The following AKIP1 variants were observed in gnomAD, a reference collection of about 807,000 sequenced individuals.
The protein encoded by AKIP1 is A-kinase interacting protein 1.
Under a neutral mutation model 22.3 loss-of-function variants are expected in AKIP1, and 18 were observed. The ratio of observed to expected loss-of-function variants is 0.81; its 90% CI spans 0.56 to 1.19. The LOEUF is 1.19. Ranked by LOEUF, AKIP1 falls within the 50% of genes most tolerant of loss-of-function variation. AKIP1 has a pLI of 0.00. For synonymous variants in AKIP1, 120 were observed against 102.7 expected (o/e 1.17, Z -1.02); for missense variants, 287 against 264.6 (o/e 1.08, Z -0.59).
At chr11:8,918,708 G>T (rs2064526266) in intron 5 of AKIP1, among the ~76,000 whole-genome samples, 2 of 152,186 alleles carry the variant, frequency 1.3e-5, no homozygotes, top group Admixed American at 1.3e-4. Flanking sequence ...AAGACTGATT[G>T]TGCTCAGTTC....
chr11:8,911,807 G>A (rs2064361083), intron 2 of AKIP1, 136 bp downstream of exon 2: 1 of 876,610 alleles, frequency 1.1e-6, no homozygotes, highest in Admixed American at 3.2e-5. Flanking sequence ...AACAATGAAT[G>A]GAAAAGTCCT....
chr11:8,917,356 G>A lies in AKIP1; in HGVS notation c.478G>A (p.Ala160Thr). 2 of 1,613,536 alleles carry A rather than the reference G, an allele frequency of 1.2e-6. No individual in the cohort carries two copies. Among genetic ancestry groups the A allele is most frequent in the African/African-American group, 1.3e-5 (1 of 75,050 alleles). Residue 160 changes from alanine (A) to threonine (T), a missense_variant, in exon 5 of 6, where the codon GCA becomes ACA. Ala to Thr is a moderately conservative substitution (Grantham distance 58). Transcript: ENST00000309377. ...SYQISEHAPE[A>T]SQPAENISKD... ...TCAAATATCAGAGCATGCTCCAGAG[G>A]CATCCCAGCCTGTGAGTACGGAACT...
rs138098855 is a variant in AKIP1 at position 8,918,291 on chromosome 11, C to T, written c.489+924C>T. On this transcript the variant is annotated intron_variant, in intron 5 of 5. Transcript: ENST00000309377. ...TTAATGACATTGTCATACACATTTA[C>T]GTCAGTTAAAGGATGGTAGACTTCC... Among the ~76,000 whole-genome samples, 448 of 152,256 alleles carry T rather than the reference C, an allele frequency of 2.9e-3. 1 individual carries two copies. The highest frequency in any genetic ancestry group is 0.01 in the African/African-American group (419 of 41,544).
At chr11:8,915,521 C>G (rs12286071) in intron 4 of AKIP1, among the ~76,000 whole-genome samples, 1 of 151,516 alleles carries the variant, frequency 6.6e-6, no homozygotes, top group African/African-American at 2.4e-5. Context: ...GCCACCACAC[C>G]CAGCTAATTT....
At position 8,919,320 on chromosome 11, in the gene AKIP1, T is replaced by C; in HGVS notation, c.490-17T>C. On this transcript the variant is annotated splice_polypyrimidine_tract_variant and intron_variant, in intron 5 of 5. Transcript: ENST00000309377. Reference sequence around the variant, plus strand: ...GTATAAAATCTCTAAACTGCTAATATCCTCTTTTCCTTCTAGGCTGAGAAC... The same window carrying C: ...GTATAAAATCTCTAAACTGCTAATACCCTCTTTTCCTTCTAGGCTGAGAAC... 1 of 1,608,224 alleles carries C rather than the reference T, an allele frequency of 6.2e-7. No homozygotes were observed. Among genetic ancestry groups the C allele is most frequent in the Non-Finnish European group, 8.5e-7 (1 of 1,178,002 alleles).
chr11:8,917,214 T>C, intron 4 of AKIP1, 73 bp from the exon 5 acceptor site: 3 of 983,974 alleles, frequency 3.0e-6, no homozygotes, highest in Non-Finnish European at 3.0e-6. Flanking sequence ...CCTAATAAGG[T>C]AGAAGAGAAC....
rs2064452886 is a variant in AKIP1 at position 8,914,832 on chromosome 11, T to G, written c.310T>G (p.Tyr104Asp). The change falls in exon 4 of 6, where the codon TAT becomes GAT. Residue 104 changes from tyrosine (Y) to aspartate (D), a missense_variant. Tyr to Asp is a radical substitution (Grantham distance 160, BLOSUM62 -3). Coordinates refer to ENST00000309377, the MANE Select transcript of AKIP1 (RefSeq NM_020642.4). ...DYTSSQCGKY[Y>D]SSVPEEGGAT... ...TTTGACATTACGTCTCTAGAAATAT[T>G]ATTCATCTGTGCCAGAGGAAGGAGG... The G allele has an allele frequency of 6.2e-7, 1 of 1,608,732 alleles. No individual in the cohort carries two copies.
intron 2 of AKIP1, 130 bp downstream of exon 2, chr11:8,911,801 A>C: frequency 1.1e-6 from 1 of 927,200 alleles, no homozygotes. Flanking sequence ...GATCAGAACA[A>C]TGAATGGAAA....
At chr11:8,911,724 G>C (rs1034774564) in intron 2 of AKIP1, 53 bp downstream of exon 2, 1 of 1,447,150 alleles carries the variant, frequency 6.9e-7, no homozygotes, top group South Asian at 1.5e-5. Flanking sequence ...GCGGTAGCCC[G>C]CTGGGAGCCA....
At chr11:8,912,638 C>T (rs2064401655) in intron 3 of AKIP1, 105 bp downstream of exon 3, 2 of 1,002,886 alleles carry the variant, frequency 2.0e-6, no homozygotes, top group Admixed American at 1.9e-5. Context: ...TTTCTCCTGC[C>T]CAGCCTTCAC....
At chr11:8,911,358 G>C (rs1287520062) in intron 1 of AKIP1, 86 bp from the exon 2 acceptor site, 1 of 1,267,044 alleles carries the variant, frequency 7.9e-7, no homozygotes, top group Non-Finnish European at 1.1e-6. Context: ...CAGGGAGGTC[G>C]AGGCTGGGGC....
Position 8,914,893 on chromosome 11 carries a change from C to G in AKIP1, c.371C>G (p.Ser124Trp). Reference sequence around the variant, plus strand: ...GTCTATCGTTATCACAGAGGCGAGTCGAAGCTGCACATGTGCTTGGACATA... The same window carrying G: ...GTCTATCGTTATCACAGAGGCGAGTGGAAGCTGCACATGTGCTTGGACATA... ...THVYRYHRGE[S>W]KLHMCLDIGN... is the part of the protein sequence containing the mutation. Residue 124 changes from serine to tryptophan, a missense_variant, in exon 4 of 6, where the codon TCG becomes TGG. Ser to Trp is a radical substitution (Grantham distance 177). Transcript: ENST00000309377. 1 of 1,613,872 alleles carries G rather than the reference C, an allele frequency of 6.2e-7. No homozygotes were observed. Among genetic ancestry groups the G allele is most frequent in the East Asian group, 2.2e-5 (1 of 44,876 alleles).
Position 8,911,467 on chromosome 11 carries a change from G to A in AKIP1, c.18G>A (p.Ala6=), listed in dbSNP as rs749921346. The A allele has an allele frequency of 1.2e-6, 2 of 1,600,186 alleles. No homozygotes were observed. Among genetic ancestry groups the A allele is most frequent in the Non-Finnish European group, 1.7e-6 (2 of 1,173,678 alleles). The part of the protein sequence containing the change: MDNCL[A]AAALNGVDRR... ...AGGGAGCCATGGACAACTGTTTGGC[G>A]GCCGCAGCGCTGAATGGGGTGGACC... Residue 6 remains alanine, a synonymous_variant, in exon 2 of 6, where the codon GCG becomes GCA. Coordinates refer to ENST00000309377, the MANE Select transcript of AKIP1 (RefSeq NM_020642.4).
chr11:8,914,536 T>G (rs1428707236), intron 3 of AKIP1, among the ~76,000 whole-genome samples: 7 of 152,236 alleles, frequency 4.6e-5, no homozygotes, highest in African/African-American at 1.7e-4. Flanking sequence ...ATGTGAAATT[T>G]GTTTAACCTG....
intron 4 of AKIP1, among the ~76,000 whole-genome samples, chr11:8,915,177 A>G (rs2064460074): frequency 6.6e-6 from 1 of 152,116 alleles, no homozygotes; most frequent in Non-Finnish European, 1.5e-5. Flanking sequence ...GTCCTGGGCC[A>G]TGGGATTCTC....
intron 1 of AKIP1, 61 bp downstream of exon 1, chr11:8,911,284 G>A (rs1197357724): frequency 6.3e-6 from 4 of 631,318 alleles, no homozygotes; most frequent in African/African-American, 5.5e-5. Context: ...GGGCGCGCTA[G>A]GCCTAGTCCT....
At chr11:8,912,739 T>C (rs1335483495) in intron 3 of AKIP1, among the ~76,000 whole-genome samples, 2 of 152,158 alleles carry the variant, frequency 1.3e-5, no homozygotes, top group Non-Finnish European at 2.9e-5. Flanking sequence ...CCTAACCCTG[T>C]AGCTGACAAT....
chr11:8,911,479 G>C lies in AKIP1; in HGVS notation c.30G>C (p.Leu10=), dbSNP rs754877978. Residue 10 remains leucine, a synonymous_variant, in exon 2 of 6, where the codon CTG becomes CTC. Coordinates refer to ENST00000309377, the MANE Select transcript of AKIP1 (RefSeq NM_020642.4). ...ACAACTGTTTGGCGGCCGCAGCGCTGAATGGGGTGGACCGACGTTCCCTGC... is the reference window on the plus strand; with the variant it reads ...ACAACTGTTTGGCGGCCGCAGCGCTCAATGGGGTGGACCGACGTTCCCTGC... MDNCLAAAA[L]NGVDRRSLQR... is the part of the protein sequence containing the mutation. 13 of 1,604,698 alleles carry C rather than the reference G, an allele frequency of 8.1e-6. No homozygotes were observed. Among genetic ancestry groups the C allele is most frequent in the Non-Finnish European group, 9.4e-6 (11 of 1,176,092 alleles).
chr11:8,911,288 T>C (rs1265546456), intron 1 of AKIP1, 65 bp downstream of exon 1: 1 of 648,450 alleles, frequency 1.5e-6, no homozygotes, highest in Non-Finnish European at 2.6e-6. Flanking sequence ...GCGCTAGGCC[T>C]AGTCCTGGCT....
Sources: gnomAD v4.1 joint callset for allele counts (sites outside exome capture counted in the v4.1 genomes callset) on GRCh38, gnomAD v4.1.1 for gene constraint, MANE v1.5 for transcripts, NCBI Gene and HGNC (gene_info 2026-07-23, HGNC 2026-07-21) for gene names.